Variants in ARVCF observed in about 807,000 individuals in gnomAD.
The protein encoded by ARVCF is splicing regulator ARVCF.
A neutral mutation model predicts 90.9 loss-of-function variants in ARVCF; 66 were observed. The ratio of observed to expected loss-of-function variants is 0.73; its 90% CI spans 0.60 to 0.89. The LOEUF is 0.89. ARVCF is among the 40% of genes least tolerant of loss of function. The pLI is 0.00. For missense variants in ARVCF, 1,469 were observed against 1,382.3 expected (o/e 1.06, Z -1.00); for synonymous variants, 653 against 603.4 (o/e 1.08, Z -1.21).
intron 1 of ARVCF, among the ~76,000 whole-genome samples, chr22:20,011,899 G>A (rs935387975): frequency 1.3e-5 from 2 of 151,746 alleles, no homozygotes; most frequent in Admixed American, 6.6e-5. Flanking sequence ...CCTCTCCCCC[G>A]GAGTCACCAT....
Position 19,969,960 on chromosome 22 carries a change from T to A in ARVCF, c.*796A>T. 2.0e-6 allele frequency: 2 copies of A among 985,614 alleles called. No homozygotes were observed. Among genetic ancestry groups the A allele is most frequent in the Non-Finnish European group, 2.4e-6 (2 of 829,938 alleles). The allele number at this position is 985,614 out of a possible 1,614,324, so 61.1% of individuals were successfully genotyped here. On this transcript the variant is annotated 3_prime_UTR_variant, in exon 20 of 20. Coordinates refer to ENST00000263207, the MANE Select transcript of ARVCF (RefSeq NM_001670.3). ...TTTAGGTGTTTACCAATAGTCTTAT[T>A]TTGGCTTATTTTTAATGCTTTTTCT...
At chr22:20,010,178 G>A (rs760032185) in intron 2 of ARVCF, among the ~76,000 whole-genome samples, 5 of 152,158 alleles carry the variant, frequency 3.3e-5, no homozygotes, top group South Asian at 2.1e-4. Flanking sequence ...CAGCAACCTC[G>A]TCAGCCAGCC....
At chr22:20,012,804 C>T (rs779683707) in intron 1 of ARVCF, among the ~76,000 whole-genome samples, 5 of 152,268 alleles carry the variant, frequency 3.3e-5, no homozygotes, top group Non-Finnish European at 7.3e-5. Context: ...AGAGGTCTCA[C>T]ACTGGGGCAT....
Position 19,980,189 on chromosome 22 carries a change from G to A in ARVCF, c.950C>T (p.Ala317Val), listed in dbSNP as rs377012111. The change falls in exon 6 of 20, where the codon GCG becomes GTG. Residue 317 changes from alanine (A) to valine (V), a missense_variant. Physicochemically the swap from Ala to Val is moderately conservative, Grantham distance 64. Coordinates refer to ENST00000263207, the MANE Select transcript of ARVCF (RefSeq NM_001670.3). ...DGGELADERPAFPMVTAPLAQ... is the reference protein window; with the variant it reads ...DGGELADERPVFPMVTAPLAQ... ...CAGGGGCGCCGTCACCATTGGGAACGCAGGCCGCTCGTCCGCCAGCTCGCC... is the reference window on the plus strand; with the variant it reads ...CAGGGGCGCCGTCACCATTGGGAACACAGGCCGCTCGTCCGCCAGCTCGCC... The A allele has an allele frequency of 1.0e-5, 16 of 1,560,802 alleles. No individual in the cohort carries two copies. Among genetic ancestry groups the A allele is most frequent in the East Asian group, 6.8e-5 (3 of 44,010 alleles).
intron 3 of ARVCF, among the ~76,000 whole-genome samples, chr22:19,984,272 C>T (rs1393935562): frequency 6.6e-6 from 1 of 152,162 alleles, no homozygotes; most frequent in African/African-American, 2.4e-5. Flanking sequence ...CTCAGGACCC[C>T]GATGCCACTC....
chr22:19,967,190 C>A, downstream of ARVCF: 1 of 1,304,734 alleles, frequency 7.7e-7, no homozygotes, highest in Admixed American at 2.3e-5. Context: ...TCTTTCAGTC[C>A]GCTGACGTCT....
intron 2 of ARVCF, among the ~76,000 whole-genome samples, chr22:20,005,796 A>AG (rs1247360755): frequency 6.8e-6 from 1 of 146,338 alleles, no homozygotes; most frequent in East Asian, 2.0e-4. Flanking sequence ...ACTCCGTCTA[A>AG]AAAAAAAAAA....
intron 1 of ARVCF, among the ~76,000 whole-genome samples, chr22:20,011,413 T>C (rs1179261241): frequency 1.3e-5 from 2 of 152,092 alleles, no homozygotes; most frequent in East Asian, 3.9e-4. Context: ...TACGGTGTTT[T>C]CTAGATTGTT....
downstream of ARVCF, chr22:19,965,188 G>A (rs1421673605): frequency 6.5e-6 from 1 of 154,586 alleles, no homozygotes; most frequent in Non-Finnish European, 1.4e-5. Flanking sequence ...AGGGCACACA[G>A]GACTTTGGGC....
intron 6 of ARVCF, 120 bp from the exon 7 acceptor site, chr22:19,979,200 G>C: frequency 8.7e-7 from 1 of 1,147,960 alleles, no homozygotes; most frequent in South Asian, 1.6e-5. Context: ...AGAACAGTAG[G>C]AAGTAACAAA....
Position 19,972,940 on chromosome 22 carries a change from G to C in ARVCF, c.2535C>G (p.Thr845=), listed in dbSNP as rs1462564759. ...LRGTLQKDGW[T]KARFQSAAAT... ...GAAGCCGCACCTGGAAGCGCGCCTT[G>C]GTCCAACCATCTTTCTGCAAGGTAC... The change falls in exon 15 of 20, where the codon ACC becomes ACG. Residue 845 remains threonine (T), a synonymous_variant. Coordinates refer to ENST00000263207, the MANE Select transcript of ARVCF (RefSeq NM_001670.3). 2 of 1,613,860 alleles carry C rather than the reference G, an allele frequency of 1.2e-6. No individual in the cohort carries two copies. The highest frequency in any genetic ancestry group is 1.7e-6 in the Non-Finnish European group (2 of 1,180,012).
In ARVCF at chr22:19,973,879, C is replaced by T; in HGVS notation, c.2089-86G>A. 1.1e-5 allele frequency: 17 copies of T among 1,524,580 alleles called. 2 individuals are homozygous for T. In the South Asian group the frequency reaches 1.7e-4, roughly 16 times the overall value. The allele number at this position is 1,524,580 out of a possible 1,614,324, so 94.4% of individuals were successfully genotyped here. A position where few individuals can be genotyped will look rare whatever the true frequency, so the allele number is the denominator to read the frequency against. ...CGCTGACCGCTCTCTCCAGCTGGACCTTCCTGCTCCCGTGCCCGACAAAGC... is the reference window on the plus strand; with the variant it reads ...CGCTGACCGCTCTCTCCAGCTGGACTTTCCTGCTCCCGTGCCCGACAAAGC... On this transcript the variant is annotated intron_variant, in intron 12 of 19. Transcript: ENST00000263207.
intron 2 of ARVCF, among the ~76,000 whole-genome samples, chr22:20,000,766 G>T (rs970826468): frequency 6.6e-6 from 1 of 152,254 alleles, no homozygotes; most frequent in South Asian, 2.1e-4. Context: ...TTATCAAAGC[G>T]GCTCTTGAGG....
chr22:19,979,188 G>A, intron 6 of ARVCF, 108 bp from the exon 7 acceptor site: 5 of 1,231,340 alleles, frequency 4.1e-6, no homozygotes, highest in Middle Eastern at 2.1e-4. Context: ...CCCAGCTCAT[G>A]CAGAACAGTA....
chr22:19,979,722 G>A, intron 6 of ARVCF, 21 bp downstream of exon 6: 1 of 1,577,312 alleles, frequency 6.3e-7, no homozygotes, highest in Non-Finnish European at 8.6e-7. Flanking sequence ...GGGGATGTGA[G>A]CATGGCCAGG....
At chr22:20,013,207 A>G (rs1223078401) in intron 1 of ARVCF, among the ~76,000 whole-genome samples, 1 of 152,214 alleles carries the variant, frequency 6.6e-6, no homozygotes, top group East Asian at 1.9e-4. Flanking sequence ...GCCTGCTGCC[A>G]CCCTGGGCAC....
rs757911543 is a variant in ARVCF, at chr22:19,972,942, T to A, written c.2533A>T (p.Thr845Ser). 2 of 1,613,792 alleles carry A rather than the reference T, an allele frequency of 1.2e-6. No individual in the cohort carries two copies. Among genetic ancestry groups the A allele is most frequent in the South Asian group, 2.2e-5 (2 of 91,076 alleles). Residue 845 changes from threonine (T) to serine (S), a missense_variant, in exon 15 of 20, where the codon ACC (threonine) becomes TCC (serine). Transcript: ENST00000263207. ...AGCCGCACCTGGAAGCGCGCCTTGG[T>A]CCAACCATCTTTCTGCAAGGTACCA... Reference protein sequence around the residue: ...LRGTLQKDGWTKARFQSAAAT... With the variant: ...LRGTLQKDGWSKARFQSAAAT...
chr22:19,967,042 C>T (rs918753105), downstream of ARVCF: 31 of 1,207,988 alleles, frequency 2.6e-5, no homozygotes, highest in Non-Finnish European at 3.3e-5. Context: ...ACAGGCAGGA[C>T]AGGTGCTGCC....
rs2146238333 is a variant in ARVCF at position 19,972,938 on chromosome 22, T to G, written c.2537A>C (p.Lys846Thr). ...GGGAAGCCGCACCTGGAAGCGCGCC[T>G]TGGTCCAACCATCTTTCTGCAAGGT... ...RGTLQKDGWT[K>T]ARFQSAAATA... Residue 846 changes from lysine (K) to threonine (T), a missense_variant, in exon 15 of 20, where the codon AAG (lysine) becomes ACG (threonine). Physicochemically the swap from Lys to Thr is moderately conservative, Grantham distance 78. Coordinates refer to ENST00000263207, the MANE Select transcript of ARVCF (RefSeq NM_001670.3). 1 of 1,613,832 alleles carries G rather than the reference T, an allele frequency of 6.2e-7. No homozygotes were observed. Among genetic ancestry groups the G allele is most frequent in the South Asian group, 1.1e-5 (1 of 91,090 alleles).
Sources: gnomAD v4.1 joint callset for allele counts (sites outside exome capture counted in the v4.1 genomes callset) on GRCh38, gnomAD v4.1.1 for gene constraint, MANE v1.5 for transcripts, NCBI Gene and HGNC (gene_info 2026-07-23, HGNC 2026-07-21) for gene names.